The following LPIN3 variants were observed in gnomAD, a reference collection of about 807,000 sequenced individuals.
LPIN3 encodes phosphatidate phosphatase LPIN3.
A neutral mutation model predicts 94.7 loss-of-function variants in LPIN3; 82 were observed. The ratio of observed to expected loss-of-function variants is 0.87; its 90% CI spans 0.72 to 1.04. The LOEUF (loss-of-function observed/expected upper bound fraction) is 1.04. Ranked by LOEUF, LPIN3 falls within the 50% of genes least tolerant of loss-of-function variation. The pLI is 0.00. For synonymous variants in LPIN3, 418 were observed against 443.3 expected, an observed-to-expected ratio of 0.94 and a Z score of 0.72; for missense variants, 996 against 1,090.5, an observed-to-expected ratio of 0.91 and a Z score of 1.22.
At position 41,356,776 on chromosome 20, in the gene LPIN3, G is replaced by A. The variant is rs557576756; in HGVS notation, c.1804-264G>A. 3.3e-5 allele frequency among the ~76,000 whole-genome samples: 5 copies of A among 152,316 alleles called. No homozygotes were observed. The South Asian group carries it at 1.0e-3, about 32-fold the overall frequency. ...GGCAGGGAGTCATGGATGCGGCTTTGTGGGTTACATCTCAAAGGGGAGTGA... is the reference window on the plus strand; with the variant it reads ...GGCAGGGAGTCATGGATGCGGCTTTATGGGTTACATCTCAAAGGGGAGTGA... On this transcript the variant is annotated intron_variant, in intron 14 of 19. Transcript: ENST00000373257.
At chr20:41,358,664 GC>G in intron 19 of LPIN3, 57 bp from the exon 20 acceptor site, 2 of 1,606,958 alleles carry the variant, frequency 1.2e-6, no homozygotes, top group Non-Finnish European at 1.7e-6. Flanking sequence ...CAGACCCATG[GC>G]CAAGGCCATC....
chr20:41,349,312 CAA>C (rs1278504981), intron 5 of LPIN3, 140 bp downstream of exon 5: 2 of 701,450 alleles, frequency 2.9e-6, no homozygotes, highest in Non-Finnish European at 4.6e-6. Context: ...GTAAAGAGTT[CAA>C]GTCTTTTATT....
intron 1 of LPIN3, among the ~76,000 whole-genome samples, chr20:41,345,104 A>T (rs1204527471): frequency 6.6e-6 from 1 of 152,230 alleles, no homozygotes; most frequent in African/African-American, 2.4e-5. Flanking sequence ...GGACCAGCAG[A>T]TAGCAAGACA....
At chr20:41,345,542 T>C (rs2045737708) in intron 1 of LPIN3, among the ~76,000 whole-genome samples, 1 of 152,230 alleles carries the variant, frequency 6.6e-6, no homozygotes, top group Non-Finnish European at 1.5e-5. Context: ...TGTGCCCTAT[T>C]TTACAGATGT....
rs77544371 is a variant in LPIN3 at position 41,348,872 on chromosome 20, G to A, written c.542G>A (p.Arg181Lys). Residue 181 changes from arginine (R) to lysine (K), a missense_variant, in exon 4 of 20, where the codon AGG becomes AAG. By Grantham distance (26) the Arg-to-Lys change is conservative. Transcript: ENST00000373257. ...ESELSLPEKLRPEPPGVQLEE... is the reference protein window; with the variant it reads ...ESELSLPEKLKPEPPGVQLEE... ...GAGCTATCCCTGCCGGAAAAGCTGA[G>A]GCCAGAGCCCCCAGGGTGTGTAAGG... 1.4e-3 allele frequency: 2,292 copies of A among 1,605,562 alleles called. 22 individuals carry two copies. The African/African-American group carries it at 0.027, about 19-fold the overall frequency.
In LPIN3 at chr20:41,358,362, C is replaced by A. The variant is rs756555187; in HGVS notation, c.2307+11C>A. 1.2e-6 allele frequency: 2 copies of A among 1,613,234 alleles called. No homozygotes were observed. Among genetic ancestry groups the A allele is most frequent in the Non-Finnish European group, 1.7e-6 (2 of 1,179,188 alleles). On this transcript the variant is annotated intron_variant, in intron 18 of 19. Coordinates refer to ENST00000373257, the MANE Select transcript of LPIN3 (RefSeq NM_022896.3). ...GGGAATAGGCCCAATGTGAGTGTGT[C>A]CCCTCCACTCTGCTGAGCCACCTCT...
chr20:41,358,509 T>C lies in LPIN3; in HGVS notation c.2378T>C (p.Leu793Pro). 6.2e-7 allele frequency: 1 copy of C among 1,613,966 alleles called. No individual in the cohort carries two copies. The highest frequency in any genetic ancestry group is 8.5e-7 in the Non-Finnish European group (1 of 1,179,980). ...RIFTVNPRGE[L>P]IQELIKNHKS... is the part of the protein sequence containing the mutation. ...TTCACAGTCAACCCCCGGGGAGAGC[T>C]CATCCAGGAGCTCATAAAGAACCAC... Residue 793 changes from leucine to proline, a missense_variant, in exon 19 of 20, where the codon CTC becomes CCC. Leu to Pro is a moderately conservative substitution (Grantham distance 98). Transcript: ENST00000373257.
intron 19 of LPIN3, 27 bp downstream of exon 19, chr20:41,358,569 C>T (rs1467854631): frequency 6.2e-7 from 1 of 1,611,464 alleles, no homozygotes; most frequent in African/African-American, 1.3e-5. Context: ...CCATGTTCCC[C>T]ATGCCCTACC....
In LPIN3 at chr20:41,348,483, G is replaced by A. The variant is rs1234666427; in HGVS notation, c.289-136G>A. On this transcript the variant is annotated intron_variant, in intron 3 of 19. Coordinates refer to ENST00000373257, the MANE Select transcript of LPIN3 (RefSeq NM_022896.3). Reference sequence around the variant, plus strand: ...GCAGTGGCTACAGGGCCAGGCTGGTGCCTCCACACCTGTTTTCCTGACCCT... The same window carrying A: ...GCAGTGGCTACAGGGCCAGGCTGGTACCTCCACACCTGTTTTCCTGACCCT... 4 of 1,346,086 alleles carry A rather than the reference G, an allele frequency of 3.0e-6. No individual in the cohort carries two copies. In the South Asian group the frequency reaches 4.9e-5, roughly 16 times the overall value. The allele number at this position is 1,346,086 out of a possible 1,614,324, so 83.4% of individuals were successfully genotyped here.
chr20:41,346,957 A>G (rs2045801092), intron 2 of LPIN3, among the ~76,000 whole-genome samples: 1 of 152,170 alleles, frequency 6.6e-6, no homozygotes, highest in Non-Finnish European at 1.5e-5. Flanking sequence ...TTGTAGACTC[A>G]GCCTTTTTGG....
At chr20:41,346,509 C>T (rs1156530704) in intron 2 of LPIN3, among the ~76,000 whole-genome samples, 18 of 152,166 alleles carry the variant, frequency 1.2e-4, no homozygotes, top group Non-Finnish European at 4.4e-5. Flanking sequence ...GGGAGGCCGA[C>T]GCTGGTGGAT....
intron 1 of LPIN3, among the ~76,000 whole-genome samples, chr20:41,342,627 G>A (rs543666369): frequency 1.3e-5 from 2 of 152,254 alleles, no homozygotes; most frequent in Admixed American, 6.5e-5. Flanking sequence ...AGACAGAGGC[G>A]GGCTCACAGA....
chr20:41,356,290 G>T (rs79165254), intron 14 of LPIN3, among the ~76,000 whole-genome samples: 3 of 152,298 alleles, frequency 2.0e-5, no homozygotes, highest in East Asian at 3.9e-4. Context: ...ATATCAACCT[G>T]TAGTGAGCCA....
chr20:41,357,909 G>A lies in LPIN3; in HGVS notation c.2067G>A (p.Ser689=), dbSNP rs41277020. The A allele has an allele frequency of 5.0e-3, 8,139 of 1,614,102 alleles. 31 individuals carry two copies. The highest frequency in any genetic ancestry group is 6.2e-3 in the Non-Finnish European group (7,342 of 1,179,998). ...QLNGYKFLYC[S]ARAIGMADLT... is the part of the protein sequence containing the mutation. ...ATGGGTACAAGTTCCTGTACTGCTC[G>A]GCGCGGGCCATTGGCATGGCGGACC... Residue 689 remains serine, a synonymous_variant, in exon 17 of 20, where the codon TCG becomes TCA. Transcript: ENST00000373257.
rs373938300 is a variant in LPIN3 at position 41,342,281 on chromosome 20, T to C, written c.-9+1279T>C. Reference sequence around the variant, plus strand: ...AGTGGGGATCAGCACCCAGATAATCTGGTGCCTTTTCTCCTAATGTCCTGT... The same window carrying C: ...AGTGGGGATCAGCACCCAGATAATCCGGTGCCTTTTCTCCTAATGTCCTGT... On this transcript the variant is annotated intron_variant, in intron 1 of 19. Coordinates refer to ENST00000373257, the MANE Select transcript of LPIN3 (RefSeq NM_022896.3). Among the ~76,000 whole-genome samples the C allele has an allele frequency of 3.6e-4, 55 of 152,318 alleles. 1 individual carries two copies. The East Asian group carries it at 5.0e-3, about 14-fold the overall frequency.
At chr20:41,356,087 C>A in intron 14 of LPIN3, 53 bp downstream of exon 14, 1 of 1,591,438 alleles carries the variant, frequency 6.3e-7, no homozygotes, top group South Asian at 1.1e-5. Flanking sequence ...CTAATTCTGT[C>A]TTAGAGTCCC....
At chr20:41,354,591 G>A (rs1447132554) in intron 11 of LPIN3, 54 bp from the exon 12 acceptor site, 10 of 1,494,906 alleles carry the variant, frequency 6.7e-6, no homozygotes, top group African/African-American at 1.4e-5. Flanking sequence ...ACAACGTAAG[G>A]TAGGAGGTTT....
intron 2 of LPIN3, among the ~76,000 whole-genome samples, chr20:41,346,385 A>G (rs536808833): frequency 6.6e-6 from 1 of 152,360 alleles, no homozygotes; most frequent in South Asian, 2.1e-4. Flanking sequence ...ATAGCAACTG[A>G]TAATACTGTC....
chr20:41,355,883 G>A lies in LPIN3; in HGVS notation c.1665-13G>A, dbSNP rs775194881. The A allele has an allele frequency of 6.2e-7, 1 of 1,613,788 alleles. No individual in the cohort carries two copies. The highest frequency in any genetic ancestry group is 2.2e-5 in the East Asian group (1 of 44,874). ...GCTGGAGGAGATGGCCTGAGAGCCA[G>A]TGTGGTCCACAGGGAGAAGACAGAA... On this transcript the variant is annotated splice_polypyrimidine_tract_variant and intron_variant, in intron 13 of 19. Coordinates refer to ENST00000373257, the MANE Select transcript of LPIN3 (RefSeq NM_022896.3).
Sources: allele counts gnomAD v4.1 joint callset (sites outside exome capture counted in the v4.1 genomes callset), GRCh38; gene constraint gnomAD v4.1.1; transcripts MANE v1.5; gene names NCBI Gene and HGNC (gene_info 2026-07-23, HGNC 2026-07-21).